Variants in CAMTA1 observed in about 807,000 individuals in gnomAD.
CAMTA1 encodes the protein calmodulin-binding transcription activator 1.
Under a neutral mutation model 170.9 loss-of-function variants are expected in CAMTA1, and 27 were observed. The ratio of observed to expected loss-of-function variants is 0.16; its 90% CI spans 0.12 to 0.22. The LOEUF (loss-of-function observed/expected upper bound fraction) is 0.22, where lower values mean the gene tolerates loss of function less well. Ranked by LOEUF, CAMTA1 falls within the 10% of genes least tolerant of loss-of-function variation. The pLI, the probability that CAMTA1 is intolerant of heterozygous loss-of-function variation, is 1.00. For missense variants in CAMTA1, 1,619 were observed against 2,217.2 expected, an observed-to-expected ratio of 0.73 and a Z score of 5.42; for synonymous variants, 833 against 891.5, an observed-to-expected ratio of 0.93 and a Z score of 1.17.
chr1:7,267,644 G>C (rs904139202), intron 5 of CAMTA1, among the ~76,000 whole-genome samples: 1 of 152,190 alleles, frequency 6.6e-6, no homozygotes, highest in African/African-American at 2.4e-5. Context: ...TTGCAGCTGG[G>C]GAATCTGATG....
At chr1:7,623,971 CA>C (rs2095616348) in intron 6 of CAMTA1, among the ~76,000 whole-genome samples, 1 of 152,240 alleles carries the variant, frequency 6.6e-6, no homozygotes, top group Non-Finnish European at 1.5e-5. Flanking sequence ...ATCCTCGACG[CA>C]AAATAGAACA....
chr1:7,310,608 C>CT (rs767385256), intron 5 of CAMTA1, among the ~76,000 whole-genome samples: 11 of 10,600 alleles, frequency 1.0e-3, no homozygotes, highest in African/African-American at 1.7e-3. Flanking sequence ...TCTTTTCTTT[C>CT]TTTCTTTCTT....
intron 11 of CAMTA1, among the ~76,000 whole-genome samples, chr1:7,705,513 C>A (rs1420773810): frequency 6.8e-6 from 1 of 147,596 alleles, no homozygotes; most frequent in African/African-American, 2.5e-5. Flanking sequence ...GCGTGTCGGG[C>A]GCGCGCGGGC....
rs1037423518 is a variant in CAMTA1, at chr1:7,681,949, C to T, written c.2914+4216C>T. ...TTCTTGTCTTACAGCATCTGATTCT[C>T]CCCCAAGGCCAAGTTGAGAAGATTT... On this transcript the variant is annotated intron_variant, in intron 11 of 22. Coordinates refer to ENST00000303635, the MANE Select transcript of CAMTA1 (RefSeq NM_015215.4). The surrounding 1 kb of genome is among the most constrained non-coding windows in gnomAD (Gnocchi z 4.6). 1.3e-5 allele frequency among the ~76,000 whole-genome samples: 2 copies of T among 152,186 alleles called. No individual in the cohort carries two copies. Among genetic ancestry groups the T allele is most frequent in the Non-Finnish European group, 2.9e-5 (2 of 68,038 alleles).
intron 5 of CAMTA1, among the ~76,000 whole-genome samples, chr1:7,364,445 CTCTTT>C (rs200505000): frequency 0.015 from 1,386 of 94,858 alleles, 21 homozygotes; most frequent in African/African-American, 0.037. Context: ...TCCCTTGTGA[CTCTTT>C]TTTTTTTTTT....
chr1:6,994,736 C>T (rs1323303237), intron 3 of CAMTA1, among the ~76,000 whole-genome samples: 2 of 151,978 alleles, frequency 1.3e-5, no homozygotes, highest in East Asian at 1.9e-4. Context: ...GGCACAATCT[C>T]GGCTCACAGC....
intron 3 of CAMTA1, 34 bp from the exon 4 acceptor site, chr1:7,091,270 T>G: frequency 1.4e-6 from 2 of 1,472,446 alleles, no homozygotes; most frequent in Non-Finnish European, 1.9e-6. Context: ...TGTGAGCTAA[T>G]TGTTGTTATT....
chr1:6,868,898 T>C (rs1425545699), intron 3 of CAMTA1, among the ~76,000 whole-genome samples: 1 of 152,204 alleles, frequency 6.6e-6, no homozygotes, highest in Non-Finnish European at 1.5e-5. Context: ...AAGGATAGCT[T>C]GTATCCTATG....
intron 4 of CAMTA1, among the ~76,000 whole-genome samples, chr1:7,096,275 G>A (rs554399736): frequency 1.1e-4 from 17 of 152,188 alleles, no homozygotes; most frequent in African/African-American, 2.9e-4. Context: ...GACCCCATCC[G>A]TCCATTCCGG....
At chr1:7,172,611 C>T (rs1007122236) in intron 4 of CAMTA1, among the ~76,000 whole-genome samples, 10 of 152,314 alleles carry the variant, frequency 6.6e-5, no homozygotes, top group Admixed American at 6.5e-4. Context: ...GCACACACAT[C>T]TGATGAGGGA....
chr1:6,849,476 G>A (rs1410263136), intron 3 of CAMTA1, among the ~76,000 whole-genome samples: 2 of 152,032 alleles, frequency 1.3e-5, no homozygotes. Context: ...AAAGGAAATT[G>A]AGCCTACAAA....
At chr1:7,016,372 A>C (rs1700539462) in intron 3 of CAMTA1, among the ~76,000 whole-genome samples, 1 of 152,192 alleles carries the variant, frequency 6.6e-6, no homozygotes, top group Non-Finnish European at 1.5e-5. Context: ...CATGTGGTTC[A>C]TTTTTATAAC....
At chr1:7,488,884 C>T (rs769264577) in intron 6 of CAMTA1, among the ~76,000 whole-genome samples, 12 of 152,112 alleles carry the variant, frequency 7.9e-5, no homozygotes, top group African/African-American at 2.7e-4. Flanking sequence ...ACATTGCAGA[C>T]GTGTACATAT....
intron 5 of CAMTA1, among the ~76,000 whole-genome samples, chr1:7,257,727 CAAGTAT>C (rs1667631851): frequency 6.6e-6 from 1 of 151,740 alleles, no homozygotes; most frequent in Admixed American, 6.6e-5. Context: ...TTTTTTAGTA[CAAGTAT>C]GTCTATATTA....
chr1:7,637,961 T>C (rs761885374), intron 6 of CAMTA1, among the ~76,000 whole-genome samples: 3 of 152,268 alleles, frequency 2.0e-5, no homozygotes, highest in Non-Finnish European at 2.9e-5. Flanking sequence ...AGAAGGCTCC[T>C]GTTCGTGTTG....
At chr1:7,747,984 C>T (rs2096869145) in intron 19 of CAMTA1, among the ~76,000 whole-genome samples, 1 of 151,134 alleles carries the variant, frequency 6.6e-6, no homozygotes, top group South Asian at 2.1e-4. Context: ...ATGATCTGGG[C>T]TCACTGCAAC....
chr1:7,220,662 A>G (rs1039313313), intron 4 of CAMTA1, among the ~76,000 whole-genome samples: 4 of 152,222 alleles, frequency 2.6e-5, no homozygotes, highest in African/African-American at 9.6e-5. Context: ...TTAAGGCCTC[A>G]GATAGCTTCT....
intron 11 of CAMTA1, among the ~76,000 whole-genome samples, chr1:7,718,118 C>G (rs938586892): frequency 6.6e-6 from 1 of 151,834 alleles, no homozygotes; most frequent in Non-Finnish European, 1.5e-5. Flanking sequence ...TTTTTGTAGT[C>G]CCGGTGGCTA....
At position 7,216,841 on chromosome 1, in the gene CAMTA1, T is replaced by C. The variant is rs1484151350; in HGVS notation, c.303-32650T>C. Among the ~76,000 whole-genome samples the C allele has an allele frequency of 6.6e-6, 1 of 152,212 alleles. No individual in the cohort carries two copies. On this transcript the variant is annotated intron_variant, in intron 4 of 22. Coordinates refer to ENST00000303635, the MANE Select transcript of CAMTA1 (RefSeq NM_015215.4). This position sits in a 1 kb window ranked among gnomAD's most constrained non-coding sequence, Gnocchi z 4.0. ...ATTTCCTCTCCTGTAAAAGTGGTTG[T>C]AGTCTTGTTTGGTGCACTAATACTC...
Sources: gnomAD v4.1 joint callset for allele counts (sites outside exome capture counted in the v4.1 genomes callset) on GRCh38, gnomAD v4.1.1 for gene constraint, Gnocchi (gnomAD v3.1) non-coding constraint, MANE v1.5 for transcripts, NCBI Gene and HGNC (gene_info 2026-07-23, HGNC 2026-07-21) for gene names.